PRKG1: variants seen among roughly 807,000 people sequenced by gnomAD.
PRKG1 encodes cGMP-dependent protein kinase 1.
PRKG1 carries 35 observed loss-of-function variants against 88.1 expected under a neutral mutation model. That is an observed-to-expected ratio of 0.40 (90% CI 0.30 to 0.53). The LOEUF (loss-of-function observed/expected upper bound fraction) is 0.53, where lower values mean the gene tolerates loss of function less well. Among genes scored for constraint, PRKG1 ranks in the 20% least tolerant of loss-of-function variants. The probability of loss-of-function intolerance (pLI) is 0.59; values close to 1 mark genes in which losing one functional copy is unlikely to be tolerated. For missense variants in PRKG1, 540 were observed against 839.8 expected (o/e 0.64, Z 4.41); for synonymous variants, 303 against 292.5 (o/e 1.04, Z -0.37).
Position 51,775,947 on chromosome 10 carries a change from C to T in PRKG1, c.593-28638C>T, listed in dbSNP as rs78481828. ...GGTTACCCTTTATATTATTTTCTCA[C>T]GTTCTGTTTCCATTGTTATTCCTTT... On this transcript the variant is annotated intron_variant, in intron 3 of 17. Transcript: ENST00000373980. 9.9e-3 allele frequency among the ~76,000 whole-genome samples: 1,499 copies of T among 152,162 alleles called. 56 individuals carry two copies. The highest frequency in any genetic ancestry group is 0.081 in the East Asian group (417 of 5,156).
intron 9 of PRKG1, among the ~76,000 whole-genome samples, chr10:52,223,191 A>C (rs1483432114): frequency 6.6e-6 from 1 of 152,094 alleles, no homozygotes; most frequent in Non-Finnish European, 1.5e-5. Context: ...CATTTAAGAA[A>C]ATTTCTTGAA....
At chr10:51,289,562 T>C (rs1480824002) in intron 2 of PRKG1, among the ~76,000 whole-genome samples, 1 of 152,084 alleles carries the variant, frequency 6.6e-6, no homozygotes, top group East Asian at 1.9e-4. Flanking sequence ...ACTAGATGTA[T>C]CATTTTTAAC....
chr10:51,433,117 GA>G (rs1222100847), intron 2 of PRKG1, among the ~76,000 whole-genome samples: 3 of 152,180 alleles, frequency 2.0e-5, no homozygotes, highest in Admixed American at 6.6e-5. Context: ...GAGCTACATA[GA>G]AAAAAGTTAT....
chr10:52,193,542 C>G (rs1173479632), intron 9 of PRKG1, among the ~76,000 whole-genome samples: 1 of 95,906 alleles, frequency 1.0e-5, no homozygotes, highest in East Asian at 3.1e-4. Flanking sequence ...GAGTGAGACT[C>G]TGTCTCAAAA....
At chr10:51,719,935 A>G (rs944348215) in intron 3 of PRKG1, among the ~76,000 whole-genome samples, 10 of 152,192 alleles carry the variant, frequency 6.6e-5, no homozygotes, top group Admixed American at 2.0e-4. Flanking sequence ...GGAGTGGTCC[A>G]GATGAGAGAT....
chr10:51,619,180 T>C (rs1839144132), intron 3 of PRKG1, among the ~76,000 whole-genome samples: 1 of 151,924 alleles, frequency 6.6e-6, no homozygotes, highest in Non-Finnish European at 1.5e-5. Flanking sequence ...AGAAAGGGAT[T>C]GGTTTGCTAA....
At chr10:51,999,450 G>A (rs1844538569) in intron 5 of PRKG1, among the ~76,000 whole-genome samples, 1 of 152,146 alleles carries the variant, frequency 6.6e-6, no homozygotes, top group Non-Finnish European at 1.5e-5. Context: ...GGTTAGAATT[G>A]CAACACCAGA....
At chr10:51,979,417 T>TG (rs1187929338) in intron 5 of PRKG1, among the ~76,000 whole-genome samples, 5 of 135,120 alleles carry the variant, frequency 3.7e-5, no homozygotes, top group African/African-American at 1.4e-4. Flanking sequence ...TCTGTTTTTT[T>TG]TTTTTTTTTT....
intron 2 of PRKG1, among the ~76,000 whole-genome samples, chr10:51,237,810 A>G (rs145379130): frequency 6.0e-4 from 91 of 152,322 alleles, no homozygotes; most frequent in African/African-American, 2.0e-3. Flanking sequence ...AAGCACTGAT[A>G]TCCTTCTCTT....
At chr10:51,781,204 T>G (rs1838579749) in intron 3 of PRKG1, among the ~76,000 whole-genome samples, 1 of 152,124 alleles carries the variant, frequency 6.6e-6, no homozygotes, top group Non-Finnish European at 1.5e-5. Context: ...GCTTTACAAA[T>G]ATTAAAACAA....
At chr10:52,034,590 TG>T (rs1235942584) in intron 5 of PRKG1, among the ~76,000 whole-genome samples, 1 of 151,600 alleles carries the variant, frequency 6.6e-6, no homozygotes, top group Non-Finnish European at 1.5e-5. Flanking sequence ...AGCATAGTCC[TG>T]CCAGCAAAGA....
intron 3 of PRKG1, chr10:51,699,530 C>G: frequency 6.2e-7 from 1 of 1,611,210 alleles, no homozygotes; most frequent in Non-Finnish European, 8.5e-7. Context: ...TGCCGGGTCT[C>G]TCACCGCCAA....
intron 4 of PRKG1, among the ~76,000 whole-genome samples, chr10:51,806,331 C>T (rs1444043516): frequency 6.6e-6 from 1 of 152,170 alleles, no homozygotes; most frequent in Non-Finnish European, 1.5e-5. Flanking sequence ...ATGACTCTAA[C>T]AAGAACTCTT....
intron 4 of PRKG1, among the ~76,000 whole-genome samples, chr10:51,821,181 A>G (rs537429353): frequency 2.4e-4 from 37 of 152,262 alleles, no homozygotes; most frequent in African/African-American, 4.6e-4. Context: ...GTGTGTATCA[A>G]AAGTTTATTC....
rs768352993 is a variant in PRKG1 at position 51,977,917 on chromosome 10, G to A, written c.762+70347G>A. On this transcript the variant is annotated intron_variant, in intron 5 of 17. Coordinates refer to ENST00000373980, the MANE Select transcript of PRKG1 (RefSeq NM_006258.4). ...TGCAAAAATTTTCTCCCATTCTGTC[G>A]GTTGTCTGTTTATTCTGTTGATAGT... Among the ~76,000 whole-genome samples the A allele has an allele frequency of 1.1e-3, 165 of 151,842 alleles. 4 individuals carry two copies. Among genetic ancestry groups the A allele is most frequent in the Non-Finnish European group, 2.7e-4 (18 of 67,912 alleles).
chr10:52,128,297 C>T, intron 7 of PRKG1: 1 of 985,324 alleles, frequency 1.0e-6, no homozygotes, highest in Non-Finnish European at 1.2e-6. Context: ...AGGGAGAGCC[C>T]CTACTCTGAC....
At chr10:51,707,125 T>G (rs1327038864) in intron 3 of PRKG1, among the ~76,000 whole-genome samples, 1 of 152,192 alleles carries the variant, frequency 6.6e-6, no homozygotes, top group East Asian at 1.9e-4. Flanking sequence ...AATGGATACT[T>G]TTTAGGCTTG....
chr10:52,183,412 A>T (rs1839097587), intron 9 of PRKG1, among the ~76,000 whole-genome samples: 1 of 152,192 alleles, frequency 6.6e-6, no homozygotes, highest in Non-Finnish European at 1.5e-5. Context: ...TGGCACAAGG[A>T]GACCTCTCCC....
intron 5 of PRKG1, among the ~76,000 whole-genome samples, chr10:52,014,843 T>G (rs1371854415): frequency 6.6e-6 from 1 of 152,216 alleles, no homozygotes; most frequent in Non-Finnish European, 1.5e-5. Context: ...CATTAAATCT[T>G]AAAGCTCCAA....
Sources: gnomAD v4.1 joint callset for allele counts (sites outside exome capture counted in the v4.1 genomes callset) on GRCh38, gnomAD v4.1.1 for gene constraint, MANE v1.5 for transcripts, NCBI Gene and HGNC (gene_info 2026-07-23, HGNC 2026-07-21) for gene names.